The following MCTP1 variants were observed in gnomAD, a reference collection of about 807,000 sequenced individuals.
MCTP1 encodes the protein multiple C2 and transmembrane domain-containing protein 1.
Under a neutral mutation model 120.6 loss-of-function variants are expected in MCTP1, and 69 were observed. That is an observed-to-expected ratio of 0.57 (90% CI 0.47 to 0.70). The LOEUF (loss-of-function observed/expected upper bound fraction) is 0.70, where lower values mean the gene tolerates loss of function less well. Ranked by LOEUF, MCTP1 falls within the 30% of genes least tolerant of loss-of-function variation. The pLI, the probability that MCTP1 is intolerant of heterozygous loss-of-function variation, is 0.00. For missense variants in MCTP1, 1,203 were observed against 1,248.8 expected, an observed-to-expected ratio of 0.96 and a Z score of 0.55; for synonymous variants, 529 against 493.1, an observed-to-expected ratio of 1.07 and a Z score of -0.96.
At chr5:95,089,351 C>T (rs1042778126) in intron 1 of MCTP1, among the ~76,000 whole-genome samples, 1 of 152,082 alleles carries the variant, frequency 6.6e-6, no homozygotes, top group East Asian at 1.9e-4. Flanking sequence ...GTCATTTTCT[C>T]CTGGAAACAA....
intron 17 of MCTP1, among the ~76,000 whole-genome samples, chr5:94,817,745 T>C (rs1425313313): frequency 2.0e-5 from 3 of 152,226 alleles, no homozygotes; most frequent in Non-Finnish European, 4.4e-5. Flanking sequence ...TTATACATAT[T>C]TCCTCTTCTC....
intron 6 of MCTP1, among the ~76,000 whole-genome samples, chr5:94,928,646 A>C (rs2153474749): frequency 6.6e-6 from 1 of 152,294 alleles, no homozygotes; most frequent in East Asian, 1.9e-4. Context: ...CTTGTGGAAA[A>C]CCAGAATGAG....
At chr5:94,927,718 T>TA (rs948881196) in intron 6 of MCTP1, among the ~76,000 whole-genome samples, 4 of 152,158 alleles carry the variant, frequency 2.6e-5, no homozygotes, top group Non-Finnish European at 5.9e-5. Flanking sequence ...TTAAAGCACT[T>TA]AGAGTTTTTG....
intron 1 of MCTP1, among the ~76,000 whole-genome samples, chr5:95,178,202 C>G (rs896660352): frequency 3.3e-5 from 5 of 152,168 alleles, no homozygotes; most frequent in African/African-American, 1.2e-4. Flanking sequence ...AAGGCCCACC[C>G]AAGGAGACTC....
intron 1 of MCTP1, among the ~76,000 whole-genome samples, chr5:95,189,375 C>T (rs1390158942): frequency 1.3e-5 from 2 of 152,108 alleles, no homozygotes; most frequent in Non-Finnish European, 2.9e-5. Flanking sequence ...TGGTTACATA[C>T]GACACACATT....
At chr5:95,237,662 GCTCA>G (rs1210931271) in intron 1 of MCTP1, among the ~76,000 whole-genome samples, 4 of 152,182 alleles carry the variant, frequency 2.6e-5, no homozygotes, top group Non-Finnish European at 1.5e-5. Context: ...GAAAATAAAT[GCTCA>G]CTAACTCCTT....
chr5:95,205,226 A>G (rs1362802798), intron 1 of MCTP1, among the ~76,000 whole-genome samples: 1 of 152,156 alleles, frequency 6.6e-6, no homozygotes, highest in Non-Finnish European at 1.5e-5. Context: ...AGGTGCCAAG[A>G]AAATAAAATG....
intron 1 of MCTP1, among the ~76,000 whole-genome samples, chr5:95,179,088 C>G (rs1000431540): frequency 5.9e-5 from 9 of 152,064 alleles, no homozygotes; most frequent in Admixed American, 3.3e-4. Flanking sequence ...CTTCAGAGCT[C>G]AAAGACAAAG....
intron 2 of MCTP1, among the ~76,000 whole-genome samples, chr5:94,953,874 TATATATGC>T (rs1262068604): frequency 8.4e-6 from 1 of 118,940 alleles, no homozygotes; most frequent in Admixed American, 9.2e-5. Flanking sequence ...TATATACAAA[TATATATGC>T]ATATATATAC....
At chr5:94,906,409 C>T (rs1277684461) in intron 10 of MCTP1, among the ~76,000 whole-genome samples, 1 of 152,030 alleles carries the variant, frequency 6.6e-6, no homozygotes, top group African/African-American at 2.4e-5. Flanking sequence ...TCGCTTGAGC[C>T]CAGGAGGTGG....
intron 1 of MCTP1, among the ~76,000 whole-genome samples, chr5:95,019,463 G>C (rs780238840): frequency 6.6e-6 from 1 of 151,678 alleles, no homozygotes; most frequent in Non-Finnish European, 1.5e-5. Context: ...TTTTTTCTGA[G>C]ACACAATATT....
chr5:95,204,282 T>A (rs1751383517), intron 1 of MCTP1, among the ~76,000 whole-genome samples: 1 of 151,784 alleles, frequency 6.6e-6, no homozygotes, highest in East Asian at 1.9e-4. Context: ...TAAGAGGGAA[T>A]CCACCAGGTA....
chr5:94,711,307 T>G (rs2152539164), intron 20 of MCTP1, among the ~76,000 whole-genome samples: 1 of 152,290 alleles, frequency 6.6e-6, no homozygotes, highest in Admixed American at 6.5e-5. Flanking sequence ...GGACCCACCA[T>G]TCTTCCTTCT....
At chr5:95,109,802 T>C (rs1420244699) in intron 1 of MCTP1, among the ~76,000 whole-genome samples, 1 of 152,222 alleles carries the variant, frequency 6.6e-6, no homozygotes, top group African/African-American at 2.4e-5. Flanking sequence ...TTTATATCAA[T>C]ACTTCATCAG....
intron 4 of MCTP1, among the ~76,000 whole-genome samples, chr5:94,941,885 C>T (rs978922204): frequency 1.3e-5 from 2 of 151,930 alleles, no homozygotes; most frequent in Non-Finnish European, 2.9e-5. Context: ...CTTGGTAATC[C>T]GGCAATGGCA....
At chr5:95,205,295 T>C (rs971001988) in intron 1 of MCTP1, among the ~76,000 whole-genome samples, 2 of 152,036 alleles carry the variant, frequency 1.3e-5, no homozygotes, top group Admixed American at 1.3e-4. Context: ...TATATCTTCA[T>C]AGAAAAAATT....
At chr5:94,911,538 T>C (rs1808571715) in intron 9 of MCTP1, among the ~76,000 whole-genome samples, 1 of 152,170 alleles carries the variant, frequency 6.6e-6, no homozygotes, top group South Asian at 2.1e-4. Flanking sequence ...CGCTCTGCCA[T>C]AGAAAGACAT....
rs560809929 is a variant in MCTP1 at position 95,162,169 on chromosome 5, A to G, written c.720+121687T>C. On this transcript the variant is annotated intron_variant, in intron 1 of 22. Transcript: ENST00000515393. ...AAGAATAGCATTGATAATATTTTAG[A>G]TGGAGACAAACCCATAATGTTTATA... Among the ~76,000 whole-genome samples the G allele has an allele frequency of 3.3e-5, 5 of 152,316 alleles. No homozygotes were observed. In the East Asian group the frequency reaches 9.6e-4, roughly 29 times the overall value.
intron 1 of MCTP1, among the ~76,000 whole-genome samples, chr5:95,172,448 A>G (rs1747437677): frequency 6.6e-6 from 1 of 152,206 alleles, no homozygotes; most frequent in South Asian, 2.1e-4. Context: ...AGACAGGGAC[A>G]TTAATTCGTA....
Sources: allele counts gnomAD v4.1 joint callset (sites outside exome capture counted in the v4.1 genomes callset), GRCh38; gene constraint gnomAD v4.1.1; transcripts MANE v1.5; gene names NCBI Gene and HGNC (gene_info 2026-07-23, HGNC 2026-07-21).